The following RPS6KA5 variants were observed in gnomAD, a reference collection of about 807,000 sequenced individuals.
RPS6KA5 encodes ribosomal protein S6 kinase alpha-5.
Under a neutral mutation model 85.5 loss-of-function variants are expected in RPS6KA5, and 27 were observed. The ratio of observed to expected loss-of-function variants is 0.32; its 90% CI spans 0.23 to 0.44. The LOEUF is 0.44. Among genes scored for constraint, RPS6KA5 ranks in the 20% least tolerant of loss-of-function variants. RPS6KA5 has a pLI of 1.00. For missense variants in RPS6KA5, 811 were observed against 980.9 expected (o/e 0.83, Z 2.31); for synonymous variants, 334 against 348.2 (o/e 0.96, Z 0.46).
chr14:90,964,946 AAAAC>A (rs10603150), intron 3 of RPS6KA5, among the ~76,000 whole-genome samples: 23,019 of 149,124 alleles, frequency 0.15, 2,138 homozygotes, highest in East Asian at 0.31. Context: ...CCAAAAAACC[AAAAC>A]AAACAAACAA....
rs1034605141 is a variant in RPS6KA5, at chr14:90,869,588, G to C, written c.*2486C>G. On this transcript the variant is annotated 3_prime_UTR_variant, in exon 17 of 17. Coordinates refer to ENST00000614987, the MANE Select transcript of RPS6KA5 (RefSeq NM_004755.4). ...AGTTAATGTCATAAGGAGAAATAAT[G>C]TAAGTATTTGTATTTCTTAGATCTT... is the stretch of plus-strand genomic sequence containing the variant. 1 of 152,158 alleles carries C rather than the reference G, an allele frequency of 6.6e-6. No individual in the cohort carries two copies. Among genetic ancestry groups the C allele is most frequent in the Non-Finnish European group, 1.5e-5 (1 of 68,034 alleles). 9.4% of individuals were successfully genotyped at this position (152,158 alleles called of 1,614,324 possible). A position where few individuals can be genotyped will look rare whatever the true frequency, so the allele number is the denominator to read the frequency against.
rs2033033691 is a variant in RPS6KA5 at position 90,870,576 on chromosome 14, T to C, written c.*1498A>G. 1 of 152,078 alleles carries C rather than the reference T, an allele frequency of 6.6e-6. No individual in the cohort carries two copies. Among genetic ancestry groups the C allele is most frequent in the African/African-American group, 2.4e-5 (1 of 41,428 alleles). The allele number at this position is 152,078 out of a possible 1,614,324, so 9.4% of individuals were successfully genotyped here. A position where few individuals can be genotyped will look rare whatever the true frequency, so the allele number is the denominator to read the frequency against. The stretch of plus-strand genomic sequence containing the variant: ...CAATATTTTTAGTATTCATAACTGG[T>C]TGAAATTAATGCTGCTATAACCTCA... On this transcript the variant is annotated 3_prime_UTR_variant, in exon 17 of 17. Coordinates refer to ENST00000614987, the MANE Select transcript of RPS6KA5 (RefSeq NM_004755.4).
intron 1 of RPS6KA5, among the ~76,000 whole-genome samples, chr14:91,022,295 C>T (rs1344412548): frequency 1.3e-5 from 2 of 152,054 alleles, no homozygotes; most frequent in Admixed American, 1.3e-4. Context: ...ATATGATGTA[C>T]AAGAATAATG....
At chr14:90,984,866 C>G (rs2039989935) in intron 2 of RPS6KA5, among the ~76,000 whole-genome samples, 2 of 152,216 alleles carry the variant, frequency 1.3e-5, no homozygotes, top group Admixed American at 6.5e-5. Flanking sequence ...CCAAAGCAGT[C>G]TTCTTGAGCA....
At chr14:90,953,469 G>GA (rs1349446705) in intron 3 of RPS6KA5, among the ~76,000 whole-genome samples, 1 of 152,110 alleles carries the variant, frequency 6.6e-6, no homozygotes, top group African/African-American at 2.4e-5. Flanking sequence ...AGTGCACCTT[G>GA]AAAAAGAACA....
chr14:91,009,944 C>T (rs1595464096), intron 1 of RPS6KA5, among the ~76,000 whole-genome samples: 1 of 151,326 alleles, frequency 6.6e-6, no homozygotes, highest in East Asian at 1.9e-4. Flanking sequence ...AAAGAAAGAA[C>T]ATCAAAAAAG....
At chr14:91,039,005 C>A (rs1442917607) in intron 1 of RPS6KA5, among the ~76,000 whole-genome samples, 2 of 152,184 alleles carry the variant, frequency 1.3e-5, no homozygotes, top group Admixed American at 6.5e-5. Context: ...TGATAACTGG[C>A]TGATCTCTTG....
In RPS6KA5 at chr14:90,986,694, A is replaced by G. The variant is rs1418041520; in HGVS notation, c.176-8170T>C. 7.2e-5 allele frequency among the ~76,000 whole-genome samples: 11 copies of G among 152,130 alleles called. No individual in the cohort carries two copies. The East Asian group carries it at 2.1e-3, about 29-fold the overall frequency. On this transcript the variant is annotated intron_variant, in intron 2 of 16. Coordinates refer to ENST00000614987, the MANE Select transcript of RPS6KA5 (RefSeq NM_004755.4). Reference sequence around the variant, plus strand: ...TGGCTGCTGGAGAAAGGCCTCAGGTAGACAGGGGCCACCACACCTGGAAGG... The same window carrying G: ...TGGCTGCTGGAGAAAGGCCTCAGGTGGACAGGGGCCACCACACCTGGAAGG...
At chr14:90,956,799 C>A (rs143646207) in intron 3 of RPS6KA5, among the ~76,000 whole-genome samples, 1 of 151,762 alleles carries the variant, frequency 6.6e-6, no homozygotes, top group Non-Finnish European at 1.5e-5. Flanking sequence ...TATCTATATT[C>A]TCTTCCCCTT....
chr14:90,926,645 G>GTA (rs879470923), intron 5 of RPS6KA5, among the ~76,000 whole-genome samples: 83 of 140,010 alleles, frequency 5.9e-4, no homozygotes, highest in African/African-American at 9.9e-4. Flanking sequence ...ATATGTATGT[G>GTA]TATATATATA....
At chr14:91,028,690 T>G (rs553921590) in intron 1 of RPS6KA5, among the ~76,000 whole-genome samples, 1 of 152,224 alleles carries the variant, frequency 6.6e-6, no homozygotes, top group Admixed American at 6.5e-5. Context: ...TGCTAATTTT[T>G]TGTATTTTTA....
intron 14 of RPS6KA5, among the ~76,000 whole-genome samples, chr14:90,888,437 T>C (rs769270889): frequency 1.3e-5 from 2 of 152,202 alleles, no homozygotes; most frequent in African/African-American, 4.8e-5. Flanking sequence ...ATGTCTTCAA[T>C]TTAAGTCCTT....
At chr14:90,947,576 C>T in intron 3 of RPS6KA5, 26 bp from the exon 4 acceptor site, 4 of 1,283,160 alleles carry the variant, frequency 3.1e-6, no homozygotes, top group Non-Finnish European at 4.5e-6. Context: ...ATTTTTCTTT[C>T]TTAAACATGC....
chr14:90,925,774 A>G (rs1451290481), intron 5 of RPS6KA5, among the ~76,000 whole-genome samples: 26 of 149,756 alleles, frequency 1.7e-4, no homozygotes, highest in Non-Finnish European at 2.4e-4. Context: ...CTACAAAAAA[A>G]TTAAAAAAAA....
intron 1 of RPS6KA5, among the ~76,000 whole-genome samples, chr14:91,022,289 G>T (rs1217618119): frequency 6.6e-6 from 1 of 152,188 alleles, no homozygotes; most frequent in Non-Finnish European, 1.5e-5. Flanking sequence ...ACAAGAATAT[G>T]ATGTACAAGA....
intron 5 of RPS6KA5, among the ~76,000 whole-genome samples, chr14:90,931,628 C>G (rs1454483087): frequency 2.6e-5 from 4 of 151,396 alleles, no homozygotes; most frequent in Non-Finnish European, 5.9e-5. Context: ...GATCATTAAA[C>G]AAAATTAAAA....
At chr14:90,894,294 T>C (rs1460594214) in intron 13 of RPS6KA5, 119 bp downstream of exon 13, 68 of 1,333,670 alleles carry the variant, frequency 5.1e-5, no homozygotes, top group Non-Finnish European at 6.3e-5. Flanking sequence ...CAATTATCTA[T>C]TTAACAGCCT....
chr14:90,986,540 G>A (rs1282204457), intron 2 of RPS6KA5, among the ~76,000 whole-genome samples: 1 of 152,112 alleles, frequency 6.6e-6, no homozygotes, highest in East Asian at 1.9e-4. Context: ...CAAAAGACAA[G>A]CTGTTTGCCT....
chr14:90,937,667 G>A (rs1461894545), intron 5 of RPS6KA5, among the ~76,000 whole-genome samples: 1 of 152,122 alleles, frequency 6.6e-6, no homozygotes, highest in Non-Finnish European at 1.5e-5. Context: ...CATGGTGGAA[G>A]GAAAGGAGGA....
Sources: gnomAD v4.1 joint callset for allele counts (sites outside exome capture counted in the v4.1 genomes callset) on GRCh38, gnomAD v4.1.1 for gene constraint, MANE v1.5 for transcripts, NCBI Gene and HGNC (gene_info 2026-07-23, HGNC 2026-07-21) for gene names.